The following LRRC8D variants were observed in gnomAD, a reference collection of about 807,000 sequenced individuals.
LRRC8D encodes the protein leucine rich repeat containing 8 VRAC subunit D.
LRRC8D carries 20 observed loss-of-function variants against 55.8 expected under a neutral mutation model. The ratio of observed to expected loss-of-function variants is 0.36; its 90% CI spans 0.25 to 0.52. The LOEUF (loss-of-function observed/expected upper bound fraction) is 0.52. LRRC8D is among the 20% of genes least tolerant of loss of function. The probability of loss-of-function intolerance (pLI) is 0.93; values close to 1 mark genes in which losing one functional copy is unlikely to be tolerated. For synonymous variants in LRRC8D, 352 were observed against 377.0 expected (o/e 0.93, Z 0.77); for missense variants, 651 against 1,030.8 (o/e 0.63, Z 5.05).
In LRRC8D at chr1:89,935,415, G is replaced by A. The variant is rs1192776468; in HGVS notation, c.2347G>A (p.Gly783Arg). The change falls in exon 3 of 3, where the codon GGA becomes AGA. Residue 783 changes from glycine (G) to arginine (R), a missense_variant. Transcript: ENST00000337338. ...KCIKLRTLNL[G>R]QNCITSLPEK... ...CATAAAGTTGAGGACTTTGAATCTG[G>A]GACAGAACTGCATCACCTCACTCCC... The A allele has an allele frequency of 6.2e-7, 1 of 1,614,196 alleles. No individual in the cohort carries two copies. Among genetic ancestry groups the A allele is most frequent in the Non-Finnish European group, 8.5e-7 (1 of 1,180,022 alleles).
chr1:89,916,543 G>A (rs1283604291), intron 2 of LRRC8D, among the ~76,000 whole-genome samples: 5 of 152,102 alleles, frequency 3.3e-5, no homozygotes, highest in African/African-American at 7.2e-5. Flanking sequence ...CACTGCAATA[G>A]CGATTATATT....
rs1238813792 is a variant in LRRC8D, at chr1:89,935,566, A to G, written c.2498A>G (p.His833Arg). 1 of 1,614,026 alleles carries G rather than the reference A, an allele frequency of 6.2e-7. No individual in the cohort carries two copies. The highest frequency in any genetic ancestry group is 1.1e-5 in the South Asian group (1 of 91,088). ...AAAAGCGGGCTTGTTGTGGAAGATC[A>G]CCTTTTTGATACCCTGCCACTCGAA... ...LKKSGLVVED[H>R]LFDTLPLEVK... Residue 833 changes from histidine to arginine, a missense_variant, in exon 3 of 3, where the codon CAC (histidine) becomes CGC (arginine). Physicochemically the swap from His to Arg is conservative, Grantham distance 29. Coordinates refer to ENST00000337338, the MANE Select transcript of LRRC8D (RefSeq NM_001134479.2).
rs114009457 is a variant in LRRC8D at position 89,849,881 on chromosome 1, T to C, written c.-3+6099T>C. 3.5e-3 allele frequency among the ~76,000 whole-genome samples: 532 copies of C among 152,310 alleles called. 4 individuals carry two copies. Among genetic ancestry groups the C allele is most frequent in the Non-Finnish European group, 3.6e-3 (242 of 68,032 alleles). On this transcript the variant is annotated intron_variant, in intron 2 of 2. Coordinates refer to ENST00000337338, the MANE Select transcript of LRRC8D (RefSeq NM_001134479.2). ...TCAGTAATAGCAACAATAAAATCTT[T>C]AGTTTTAATGTACTTGTCTCATCAC...
intron 2 of LRRC8D, among the ~76,000 whole-genome samples, chr1:89,863,202 T>G (rs1306397460): frequency 1.3e-5 from 2 of 152,182 alleles, no homozygotes; most frequent in Non-Finnish European, 1.5e-5. Flanking sequence ...TATATAGTTG[T>G]TATGAGGATT....
chr1:89,918,516 C>G (rs1008534022), intron 2 of LRRC8D, among the ~76,000 whole-genome samples: 4 of 152,260 alleles, frequency 2.6e-5, no homozygotes. Flanking sequence ...AGGGTCCTCC[C>G]TCTCTGGAGC....
At position 89,893,671 on chromosome 1, in the gene LRRC8D, C is replaced by G. The variant is rs115226137; in HGVS notation, c.-2-39396C>G. Reference sequence around the variant, plus strand: ...GTTATTGTTCTGAATGCTTTAATATCTAGTATTTTAGAATGTCTTTTATAC... The same window carrying G: ...GTTATTGTTCTGAATGCTTTAATATGTAGTATTTTAGAATGTCTTTTATAC... On this transcript the variant is annotated intron_variant, in intron 2 of 2. Transcript: ENST00000337338. Among the ~76,000 whole-genome samples the G allele has an allele frequency of 4.4e-3, 667 of 152,134 alleles. 7 individuals carry two copies. The highest frequency in any genetic ancestry group is 0.015 in the African/African-American group (640 of 41,490).
At chr1:89,900,571 T>A (rs1662825319) in intron 2 of LRRC8D, among the ~76,000 whole-genome samples, 1 of 152,114 alleles carries the variant, frequency 6.6e-6, no homozygotes, top group South Asian at 2.1e-4. Context: ...AGTACATGTT[T>A]ACCACTTGAG....
intron 2 of LRRC8D, among the ~76,000 whole-genome samples, chr1:89,846,855 T>C (rs771323631): frequency 1.3e-5 from 2 of 152,190 alleles, no homozygotes; most frequent in Non-Finnish European, 2.9e-5. Flanking sequence ...CAGATTACCA[T>C]ATTTTAATTT....
intron 2 of LRRC8D, among the ~76,000 whole-genome samples, chr1:89,853,366 G>A (rs1423898347): frequency 6.6e-6 from 1 of 152,174 alleles, no homozygotes; most frequent in African/African-American, 2.4e-5. Flanking sequence ...CTGAGCCCCA[G>A]GAGAGAAGTG....
In LRRC8D at chr1:89,933,720, T is replaced by C; in HGVS notation, c.652T>C (p.Cys218Arg). The C allele has an allele frequency of 6.2e-7, 1 of 1,614,146 alleles. No individual in the cohort carries two copies. The highest frequency in any genetic ancestry group is 8.5e-7 in the Non-Finnish European group (1 of 1,180,026). Residue 218 changes from cysteine (C) to arginine (R), a missense_variant, in exon 3 of 3, where the codon TGC (cysteine) becomes CGC (arginine). Transcript: ENST00000337338. The surrounding 1 kb of genome is among the most constrained non-coding windows in gnomAD (Gnocchi z 7.0). The part of the protein sequence containing the change: ...WTTKALSETA[C>R]EDSEENKQRI... The stretch of plus-strand genomic sequence containing the variant: ...GACAAAAGCGTTGTCTGAGACAGCA[T>C]GCGAAGACTCAGAGGAAAACAAGCA...
intron 2 of LRRC8D, among the ~76,000 whole-genome samples, chr1:89,906,198 T>C (rs1233667230): frequency 6.6e-6 from 1 of 152,130 alleles, no homozygotes; most frequent in South Asian, 2.1e-4. Flanking sequence ...CCTATTTGAC[T>C]AAAGAAAATG....
intron 1 of LRRC8D, among the ~76,000 whole-genome samples, chr1:89,826,450 G>A (rs2100694614): frequency 6.6e-6 from 1 of 152,154 alleles, no homozygotes; most frequent in Admixed American, 6.5e-5. Context: ...ATTTTTAGTA[G>A]AGATGGGGTT....
intron 2 of LRRC8D, among the ~76,000 whole-genome samples, chr1:89,926,555 C>A (rs2100985725): frequency 6.6e-6 from 1 of 152,340 alleles, no homozygotes; most frequent in East Asian, 1.9e-4. Flanking sequence ...CTTCAATAGC[C>A]AACCCTTAGC....
chr1:89,879,200 A>G (rs1220713883), intron 2 of LRRC8D, among the ~76,000 whole-genome samples: 3 of 152,186 alleles, frequency 2.0e-5, no homozygotes, highest in Admixed American at 6.6e-5. Flanking sequence ...AGAGTAAGCA[A>G]TGAAAGAGTT....
chr1:89,825,949 G>A (rs181565821), intron 1 of LRRC8D, among the ~76,000 whole-genome samples: 120 of 152,346 alleles, frequency 7.9e-4, no homozygotes, highest in African/African-American at 2.7e-3. Flanking sequence ...TTTGTGATGA[G>A]TGTCCATTGT....
intron 1 of LRRC8D, among the ~76,000 whole-genome samples, chr1:89,826,474 G>C (rs990574460): frequency 2.8e-4 from 42 of 152,020 alleles, no homozygotes; most frequent in African/African-American, 9.9e-4. Context: ...CCATGGTCTC[G>C]ATCTCCTGAC....
chr1:89,837,614 C>T (rs182366272), intron 1 of LRRC8D, among the ~76,000 whole-genome samples: 2 of 152,316 alleles, frequency 1.3e-5, no homozygotes, highest in Admixed American at 1.3e-4. Context: ...ATGAAGATAA[C>T]AATAACTCCT....
chr1:89,890,492 C>T (rs1351885333), intron 2 of LRRC8D, among the ~76,000 whole-genome samples: 1 of 152,194 alleles, frequency 6.6e-6, no homozygotes, highest in African/African-American at 2.4e-5. Flanking sequence ...CTAGGAGGCT[C>T]AATATGTAGA....
chr1:89,843,892 C>T (rs533568094), intron 2 of LRRC8D, 110 bp downstream of exon 2: 34 of 510,772 alleles, frequency 6.7e-5, no homozygotes, highest in Non-Finnish European at 9.9e-5. Context: ...TTCACTTGCC[C>T]GCCCCCCACC....
Sources: gnomAD v4.1 joint callset for allele counts (sites outside exome capture counted in the v4.1 genomes callset) on GRCh38, gnomAD v4.1.1 for gene constraint, Gnocchi (gnomAD v3.1) non-coding constraint, MANE v1.5 for transcripts, NCBI Gene and HGNC (gene_info 2026-07-23, HGNC 2026-07-21) for gene names.